CADM1: variants seen among roughly 807,000 people sequenced by gnomAD.
CADM1 encodes TSLC-1.
In CADM1, 15 loss-of-function variants were observed where a neutral mutation model predicts 53.1. The observed-to-expected ratio is 0.28, with a 90% CI of 0.19 to 0.44. CADM1 has a LOEUF of 0.44. Among genes scored for constraint, CADM1 ranks in the 20% least tolerant of loss-of-function variants. The probability of loss-of-function intolerance (pLI) is 1.00; values close to 1 mark genes in which losing one functional copy is unlikely to be tolerated. For synonymous variants in CADM1, 281 were observed against 243.0 expected (o/e 1.16, Z -1.45); for missense variants, 434 against 611.3 (o/e 0.71, Z 3.06).
At chr11:115,227,381 G>C (rs1451749102) in intron 5 of CADM1, among the ~76,000 whole-genome samples, 1 of 152,120 alleles carries the variant, frequency 6.6e-6, no homozygotes, top group Non-Finnish European at 1.5e-5. Context: ...AGGGTAATTT[G>C]GTAGGTGGGT....
At chr11:115,366,299 C>A (rs1445776738) in intron 1 of CADM1, among the ~76,000 whole-genome samples, 1 of 152,128 alleles carries the variant, frequency 6.6e-6, no homozygotes, top group African/African-American at 2.4e-5. Context: ...AGTCAGGAAC[C>A]TACTTAAATA....
At chr11:115,201,956 T>C (rs898950472) in intron 8 of CADM1, among the ~76,000 whole-genome samples, 1 of 152,202 alleles carries the variant, frequency 6.6e-6, no homozygotes, top group Non-Finnish European at 1.5e-5. Flanking sequence ...CTGGCTATTT[T>C]ATGAGTACAG....
intron 1 of CADM1, among the ~76,000 whole-genome samples, chr11:115,310,093 T>C (rs1250716848): frequency 1.3e-5 from 2 of 151,718 alleles, no homozygotes; most frequent in Non-Finnish European, 2.9e-5. Context: ...ATTCCTTCGA[T>C]GGGAAAAAAA....
In CADM1 at chr11:115,421,396, G is replaced by A. The variant is rs1184388895; in HGVS notation, c.124+82875C>T. 6.6e-5 allele frequency among the ~76,000 whole-genome samples: 10 copies of A among 152,270 alleles called. 1 individual carries two copies. The South Asian group carries it at 2.1e-3, about 32-fold the overall frequency. ...TTAACTACTGACCTTCAAAGCACTA[G>A]GAAAAATGAATTCTGAATTCTCGAC... On this transcript the variant is annotated intron_variant, in intron 1 of 11. Coordinates refer to ENST00000331581, the MANE Select transcript of CADM1 (RefSeq NM_001301043.2).
intron 1 of CADM1, among the ~76,000 whole-genome samples, chr11:115,249,936 C>G (rs768552538): frequency 4.6e-5 from 7 of 150,946 alleles, no homozygotes; most frequent in Non-Finnish European, 8.9e-5. Context: ...ACAGAGTCTC[C>G]CTCTGTTGCC....
chr11:115,403,788 G>A (rs1050041856), intron 1 of CADM1, among the ~76,000 whole-genome samples: 17 of 151,386 alleles, frequency 1.1e-4, no homozygotes, highest in Non-Finnish European at 2.4e-4. Flanking sequence ...GTAGAGACAG[G>A]GTTTCACCAT....
intron 1 of CADM1, among the ~76,000 whole-genome samples, chr11:115,339,663 G>C (rs1364211200): frequency 6.6e-6 from 1 of 151,930 alleles, no homozygotes; most frequent in Non-Finnish European, 1.5e-5. Context: ...ATCATGTATA[G>C]TCATACAAGC....
At chr11:115,285,279 T>G (rs183971967) in intron 1 of CADM1, among the ~76,000 whole-genome samples, 42 of 152,334 alleles carry the variant, frequency 2.8e-4, no homozygotes, top group Admixed American at 1.2e-3. Flanking sequence ...TGAACACAAT[T>G]TATAATCTAA....
intron 1 of CADM1, among the ~76,000 whole-genome samples, chr11:115,330,459 T>G (rs1175665263): frequency 1.3e-5 from 2 of 152,176 alleles, no homozygotes; most frequent in African/African-American, 4.8e-5. Flanking sequence ...TTTCATTTCT[T>G]TTTTACATCC....
chr11:115,258,025 T>C (rs889652650), intron 1 of CADM1, among the ~76,000 whole-genome samples: 6 of 152,174 alleles, frequency 3.9e-5, no homozygotes, highest in African/African-American at 1.4e-4. Context: ...ACCATCAAAG[T>C]ATTTGCCTAT....
chr11:115,325,913 T>G (rs574712173), intron 1 of CADM1, among the ~76,000 whole-genome samples: 12 of 152,348 alleles, frequency 7.9e-5, no homozygotes, highest in African/African-American at 2.9e-4. Flanking sequence ...CATAATTGTA[T>G]TTCTACAGCA....
At chr11:115,196,503 G>C (rs759668179) in intron 9 of CADM1, among the ~76,000 whole-genome samples, 1 of 149,992 alleles carries the variant, frequency 6.7e-6, no homozygotes, top group Non-Finnish European at 1.5e-5. Flanking sequence ...TTATATCAGG[G>C]GTGTCCAATC....
intron 1 of CADM1, among the ~76,000 whole-genome samples, chr11:115,264,703 T>G (rs774818555): frequency 6.6e-6 from 1 of 152,236 alleles, no homozygotes; most frequent in Non-Finnish European, 1.5e-5. Flanking sequence ...GCCTCCATTT[T>G]GTCATCTATA....
chr11:115,442,930 T>G (rs1948356157), intron 1 of CADM1, among the ~76,000 whole-genome samples: 1 of 152,200 alleles, frequency 6.6e-6, no homozygotes, highest in Non-Finnish European at 1.5e-5. Flanking sequence ...ATAAGCTTAC[T>G]TGCATATTCT....
At chr11:115,386,632 C>G (rs889588799) in intron 1 of CADM1, among the ~76,000 whole-genome samples, 1 of 152,154 alleles carries the variant, frequency 6.6e-6, no homozygotes, top group Non-Finnish European at 1.5e-5. Flanking sequence ...GCCACCAGTT[C>G]TACACTTCTA....
At chr11:115,180,554 T>C (rs1939261282) in intron 10 of CADM1, among the ~76,000 whole-genome samples, 1 of 152,032 alleles carries the variant, frequency 6.6e-6, no homozygotes, top group Non-Finnish European at 1.5e-5. Flanking sequence ...CAGCCAAAAG[T>C]GTTGCCAACT....
At chr11:115,452,216 A>C (rs1379143205) in intron 1 of CADM1, among the ~76,000 whole-genome samples, 1 of 152,116 alleles carries the variant, frequency 6.6e-6, no homozygotes, top group Non-Finnish European at 1.5e-5. Flanking sequence ...TTACACAAGA[A>C]ATAAAGTGAA....
In CADM1 at chr11:115,174,731, G is replaced by A. The variant is rs922127139; in HGVS notation, c.*1743C>T. The A allele has an allele frequency of 1.1e-6, 1 of 887,806 alleles. No individual in the cohort carries two copies. Among genetic ancestry groups the A allele is most frequent in the Non-Finnish European group, 1.3e-6 (1 of 740,888 alleles). 55.0% of individuals were successfully genotyped at this position (887,806 alleles called of 1,614,324 possible). On this transcript the variant is annotated 3_prime_UTR_variant, in exon 12 of 12. Coordinates refer to ENST00000331581, the MANE Select transcript of CADM1 (RefSeq NM_001301043.2). ...AAATCCAAAATTACTCACTGAAAATGTAATAGAATATATATTTATATATAT... is the reference window on the plus strand; with the variant it reads ...AAATCCAAAATTACTCACTGAAAATATAATAGAATATATATTTATATATAT...
chr11:115,436,381 G>A (rs1948183049), intron 1 of CADM1, among the ~76,000 whole-genome samples: 1 of 152,080 alleles, frequency 6.6e-6, no homozygotes, highest in South Asian at 2.1e-4. Context: ...TTGCTGCTTT[G>A]CTCTCAGATA....
Sources: allele counts gnomAD v4.1 joint callset (sites outside exome capture counted in the v4.1 genomes callset), GRCh38; gene constraint gnomAD v4.1.1; transcripts MANE v1.5; gene names NCBI Gene and HGNC (gene_info 2026-07-23, HGNC 2026-07-21).